Variants in SLC35F3 observed in about 807,000 individuals in gnomAD.
SLC35F3 encodes putative thiamine transporter SLC35F3.
A neutral mutation model predicts 49.9 loss-of-function variants in SLC35F3; 25 were observed. The ratio of observed to expected loss-of-function variants is 0.50; its 90% CI spans 0.37 to 0.70. The LOEUF (loss-of-function observed/expected upper bound fraction) is 0.70, where lower values mean the gene tolerates loss of function less well. Ranked by LOEUF, SLC35F3 falls within the 30% of genes least tolerant of loss-of-function variation. The pLI is 0.00. For missense variants in SLC35F3, 525 were observed against 639.8 expected, an observed-to-expected ratio of 0.82 and a Z score of 1.94; for synonymous variants, 275 against 265.4, an observed-to-expected ratio of 1.04 and a Z score of -0.35.
At chr1:234,302,229 G>A (rs1668704497) in intron 3 of SLC35F3, among the ~76,000 whole-genome samples, 1 of 152,074 alleles carries the variant, frequency 6.6e-6, no homozygotes, top group Admixed American at 6.5e-5. Context: ...TACAGAGGAA[G>A]TCTAGAGGAT....
chr1:234,246,269 C>T (rs1433474740), intron 3 of SLC35F3, among the ~76,000 whole-genome samples: 2 of 152,104 alleles, frequency 1.3e-5, no homozygotes, highest in African/African-American at 2.4e-5. Flanking sequence ...TAACCTGACC[C>T]CAGAGAGCAA....
In SLC35F3 at chr1:234,147,647, C is replaced by T. The variant is rs373104126; in HGVS notation, c.284-83770C>T. Among the ~76,000 whole-genome samples, 9 of 152,216 alleles carry T rather than the reference C, an allele frequency of 5.9e-5. No individual in the cohort carries two copies. In the South Asian group the frequency reaches 6.2e-4, roughly 11 times the overall value. On this transcript the variant is annotated intron_variant, in intron 2 of 7. Transcript: ENST00000366618. The stretch of plus-strand genomic sequence containing the variant: ...AAAGGGCCAAAAGTCAGCTTAGTAC[C>T]GGAGAATTTCAGGATCAGGTTGAGG...
intron 3 of SLC35F3, among the ~76,000 whole-genome samples, chr1:234,294,645 C>T (rs926057286): frequency 6.6e-6 from 1 of 152,170 alleles, no homozygotes; most frequent in African/African-American, 2.4e-5. Context: ...AATGTGCTGA[C>T]GTTGGCAAAA....
intron 3 of SLC35F3, among the ~76,000 whole-genome samples, chr1:234,308,137 T>C (rs1222248417): frequency 6.6e-6 from 1 of 152,146 alleles, no homozygotes; most frequent in Admixed American, 6.5e-5. Flanking sequence ...CTGTGCTAGA[T>C]AGTGTCTTAG....
chr1:233,966,663 T>C (rs1662910996), intron 2 of SLC35F3, among the ~76,000 whole-genome samples: 1 of 152,196 alleles, frequency 6.6e-6, no homozygotes, highest in Admixed American at 6.5e-5. Flanking sequence ...GAAAGCAACC[T>C]CTGGCACTTA....
At chr1:234,018,818 G>A (rs912899468) in intron 2 of SLC35F3, among the ~76,000 whole-genome samples, 2 of 152,186 alleles carry the variant, frequency 1.3e-5, no homozygotes, top group African/African-American at 2.4e-5. Context: ...TGTCATTTGG[G>A]AAGTTCTCTA....
At chr1:234,084,970 A>G (rs550875284) in intron 2 of SLC35F3, among the ~76,000 whole-genome samples, 1 of 152,342 alleles carries the variant, frequency 6.6e-6, no homozygotes, top group South Asian at 2.1e-4. Flanking sequence ...GGAATGAAGT[A>G]CTGATGTGTG....
At chr1:234,016,561 A>G (rs761732730) in intron 2 of SLC35F3, among the ~76,000 whole-genome samples, 2 of 152,192 alleles carry the variant, frequency 1.3e-5, no homozygotes, top group Non-Finnish European at 2.9e-5. Context: ...GACAAATACA[A>G]TGTGACCTCA....
At chr1:234,074,123 C>G (rs1664761083) in intron 2 of SLC35F3, among the ~76,000 whole-genome samples, 1 of 152,146 alleles carries the variant, frequency 6.6e-6, no homozygotes, top group African/African-American at 2.4e-5. Context: ...CTTCTTTTCA[C>G]AGGTGTCGGG....
At chr1:234,294,304 G>T (rs1668555703) in intron 3 of SLC35F3, among the ~76,000 whole-genome samples, 1 of 152,170 alleles carries the variant, frequency 6.6e-6, no homozygotes, top group Admixed American at 6.5e-5. Flanking sequence ...ATTGCAACAG[G>T]CTTGGCTCTG....
intron 2 of SLC35F3, among the ~76,000 whole-genome samples, chr1:233,930,504 G>A (rs1662225536): frequency 6.6e-6 from 1 of 152,152 alleles, no homozygotes. Context: ...TTCTCAGAGT[G>A]CCATTGAAGT....
chr1:234,011,665 C>T (rs1344703487), intron 2 of SLC35F3, among the ~76,000 whole-genome samples: 3 of 152,178 alleles, frequency 2.0e-5, no homozygotes, highest in African/African-American at 4.8e-5. Context: ...AGAAAATCCA[C>T]GTAGACATGG....
chr1:233,928,266 T>C (rs75215368), intron 2 of SLC35F3, among the ~76,000 whole-genome samples: 4,211 of 152,290 alleles, frequency 0.028, 211 homozygotes, highest in African/African-American at 0.096. Flanking sequence ...GGTCACACTA[T>C]GGGTTCTGTA....
intron 2 of SLC35F3, among the ~76,000 whole-genome samples, chr1:233,993,819 G>A (rs1382294581): frequency 6.6e-6 from 1 of 152,112 alleles, no homozygotes; most frequent in Non-Finnish European, 1.5e-5. Flanking sequence ...CTAATACCTG[G>A]GGAACGATTA....
At chr1:234,076,087 C>T (rs949915790) in intron 2 of SLC35F3, among the ~76,000 whole-genome samples, 1 of 152,122 alleles carries the variant, frequency 6.6e-6, no homozygotes, top group African/African-American at 2.4e-5. Flanking sequence ...ATGATTGAGA[C>T]CTGTCTCAGA....
At chr1:234,242,437 C>T (rs965920126) in intron 3 of SLC35F3, among the ~76,000 whole-genome samples, 1 of 152,224 alleles carries the variant, frequency 6.6e-6, no homozygotes, top group Non-Finnish European at 1.5e-5. Context: ...TTCACTGTGT[C>T]TTTCAGCTGG....
intron 3 of SLC35F3, among the ~76,000 whole-genome samples, chr1:234,255,099 ATATT>A (rs1396482909): frequency 6.6e-6 from 1 of 152,234 alleles, no homozygotes; most frequent in African/African-American, 2.4e-5. Context: ...CTGGGAGAAA[ATATT>A]TACAAAACAT....
intron 2 of SLC35F3, among the ~76,000 whole-genome samples, chr1:233,999,500 C>T (rs1395193812): frequency 6.6e-6 from 1 of 152,178 alleles, no homozygotes; most frequent in Non-Finnish European, 1.5e-5. Flanking sequence ...CTCTGCTGTT[C>T]CGTGTGGGGA....
At position 234,153,811 on chromosome 1, in the gene SLC35F3, C is replaced by T. The variant is rs563301215; in HGVS notation, c.284-77606C>T. 1.3e-3 allele frequency among the ~76,000 whole-genome samples: 203 copies of T among 152,254 alleles called. 1 individual carries two copies. Among genetic ancestry groups the T allele is most frequent in the Non-Finnish European group, 2.1e-3 (146 of 68,014 alleles). ...GGTGGGGGCCGGACGCAGTGGCTCA[C>T]GCCTGTAATCCCAGCACTTTGGGAG... On this transcript the variant is annotated intron_variant, in intron 2 of 7. Coordinates refer to ENST00000366618, the MANE Select transcript of SLC35F3 (RefSeq NM_173508.4).
Sources: gnomAD v4.1 joint callset for allele counts (sites outside exome capture counted in the v4.1 genomes callset) on GRCh38, gnomAD v4.1.1 for gene constraint, MANE v1.5 for transcripts, NCBI Gene and HGNC (gene_info 2026-07-23, HGNC 2026-07-21) for gene names.